RALY: variants seen among roughly 807,000 people sequenced by gnomAD.
RALY encodes the protein RNA-binding protein Raly.
A neutral mutation model predicts 30.7 loss-of-function variants in RALY; 15 were observed. That is an observed-to-expected ratio of 0.49 (90% CI 0.33 to 0.75). The LOEUF is 0.75. RALY is among the 30% of genes least tolerant of loss of function. The probability of loss-of-function intolerance (pLI) is 0.02; values close to 1 mark genes in which losing one functional copy is unlikely to be tolerated. For missense variants in RALY, 339 were observed against 414.3 expected (o/e 0.82, Z 1.58); for synonymous variants, 177 against 170.8 (o/e 1.04, Z -0.28).
intron 1 of RALY, among the ~76,000 whole-genome samples, chr20:34,018,195 G>A (rs1191222217): frequency 6.6e-6 from 1 of 152,222 alleles, no homozygotes; most frequent in Non-Finnish European, 1.5e-5. Context: ...CAGATTTAAG[G>A]TTGTAGTAGT....
At chr20:34,058,901 T>C (rs2033336386) in intron 2 of RALY, among the ~76,000 whole-genome samples, 2 of 152,136 alleles carry the variant, frequency 1.3e-5, no homozygotes, top group African/African-American at 4.8e-5. Context: ...CTTGAAGGAT[T>C]TTAAACAGGA....
At chr20:34,015,008 T>C (rs2300208) in intron 1 of RALY, 1 of 152,234 alleles carries the variant, frequency 6.6e-6, no homozygotes, top group East Asian at 1.9e-4. Flanking sequence ...GAGAGAGAAC[T>C]AACTGGAAGA....
At chr20:34,057,516 A>G (rs1462749398) in intron 2 of RALY, among the ~76,000 whole-genome samples, 1 of 152,010 alleles carries the variant, frequency 6.6e-6, no homozygotes, top group Non-Finnish European at 1.5e-5. Flanking sequence ...AAATACAAAA[A>G]ATTAGCTGGG....
intron 1 of RALY, among the ~76,000 whole-genome samples, chr20:34,000,072 C>A (rs1464589556): frequency 1.3e-5 from 2 of 152,082 alleles, no homozygotes; most frequent in South Asian, 2.1e-4. Context: ...TGGTCTTATT[C>A]AATTTTGGCT....
At chr20:34,057,217 G>A (rs1193487997) in intron 2 of RALY, among the ~76,000 whole-genome samples, 1 of 152,090 alleles carries the variant, frequency 6.6e-6, no homozygotes, top group African/African-American at 2.4e-5. Context: ...CAAACATAAT[G>A]TGCAAGAAAA....
At chr20:34,069,078 T>C (rs1347182978) in intron 2 of RALY, among the ~76,000 whole-genome samples, 1 of 152,032 alleles carries the variant, frequency 6.6e-6, no homozygotes, top group Admixed American at 6.5e-5. Flanking sequence ...TTCCCAAGTC[T>C]CTCCTCTACA....
chr20:34,002,046 C>T (rs1266203228), intron 1 of RALY, among the ~76,000 whole-genome samples: 3 of 152,146 alleles, frequency 2.0e-5, no homozygotes, highest in Non-Finnish European at 4.4e-5. Context: ...GGATTACAGG[C>T]GTGAGCAGCC....
chr20:34,041,664 A>G (rs574690130), intron 2 of RALY, among the ~76,000 whole-genome samples: 1 of 152,296 alleles, frequency 6.6e-6, no homozygotes, highest in East Asian at 1.9e-4. Flanking sequence ...GCACAGGGTG[A>G]TAGGAGATAT....
Position 34,077,339 on chromosome 20 carries a change from C to A in RALY, c.876+94C>A. 3 of 1,566,382 alleles carry A rather than the reference C, an allele frequency of 1.9e-6. No individual in the cohort carries two copies. The South Asian group carries it at 3.5e-5, about 18-fold the overall frequency. ...ATGGGCAGCCTGAGCTGGTTGCCCC[C>A]ACTGTGAACTTCCTGTTCTCTCCTT... On this transcript the variant is annotated intron_variant, in intron 8 of 9. Coordinates refer to ENST00000246194, the MANE Select transcript of RALY (RefSeq NM_016732.3).
intron 8 of RALY, among the ~76,000 whole-genome samples, chr20:34,077,904 C>T (rs913564115): frequency 9.9e-5 from 15 of 152,226 alleles, no homozygotes; most frequent in African/African-American, 3.6e-4. Context: ...CCACATTTTA[C>T]CCTGTGAGGA....
chr20:34,071,950 G>A, intron 2 of RALY, 116 bp from the exon 3 acceptor site: 1 of 1,161,212 alleles, frequency 8.6e-7, no homozygotes, highest in Non-Finnish European at 1.2e-6. Context: ...CAGGTAGGCT[G>A]GATGCTATAA....
At chr20:34,079,333 A>G (rs1011298779) in intron 9 of RALY, among the ~76,000 whole-genome samples, 1 of 152,180 alleles carries the variant, frequency 6.6e-6, no homozygotes, top group African/African-American at 2.4e-5. Flanking sequence ...TGTGGCTTCA[A>G]AGCCCACTCT....
chr20:34,075,094 A>G (rs1208098122), intron 5 of RALY, among the ~76,000 whole-genome samples: 1 of 151,918 alleles, frequency 6.6e-6, no homozygotes, highest in Non-Finnish European at 1.5e-5. Flanking sequence ...CTTGGAGATG[A>G]CTTTGGTTGG....
chr20:34,001,688 G>A (rs928853931), intron 1 of RALY, among the ~76,000 whole-genome samples: 1 of 152,166 alleles, frequency 6.6e-6, no homozygotes, highest in Non-Finnish European at 1.5e-5. Flanking sequence ...ATTTAAAAGG[G>A]TCATTTCCAT....
intron 3 of RALY, among the ~76,000 whole-genome samples, chr20:34,073,131 G>A (rs1192017234): frequency 6.6e-6 from 1 of 152,224 alleles, no homozygotes; most frequent in Non-Finnish European, 1.5e-5. Context: ...TCTATACTGA[G>A]TGTACTTGAG....
At chr20:34,016,070 C>T (rs544843049) in intron 1 of RALY, among the ~76,000 whole-genome samples, 1 of 152,300 alleles carries the variant, frequency 6.6e-6, no homozygotes, top group East Asian at 1.9e-4. Context: ...CACTCCCTTA[C>T]ATCTGCGCAC....
At chr20:34,026,901 T>G (rs922415376) in intron 1 of RALY, among the ~76,000 whole-genome samples, 1 of 152,222 alleles carries the variant, frequency 6.6e-6, no homozygotes, top group Non-Finnish European at 1.5e-5. Flanking sequence ...TTTGGACTTC[T>G]AGTCCTCAGA....
At chr20:34,074,851 G>A (rs2033830321) in intron 5 of RALY, among the ~76,000 whole-genome samples, 1 of 152,176 alleles carries the variant, frequency 6.6e-6, no homozygotes. Context: ...CTCTCCATCT[G>A]CAGCCATCAC....
intron 1 of RALY, among the ~76,000 whole-genome samples, chr20:34,009,233 T>G (rs373983103): frequency 8.0e-5 from 12 of 149,116 alleles, no homozygotes; most frequent in African/African-American, 2.2e-4. Context: ...GTGTGTGTGG[T>G]TTTTTTTTGT....
Sources: gnomAD v4.1 joint callset for allele counts (sites outside exome capture counted in the v4.1 genomes callset) on GRCh38, gnomAD v4.1.1 for gene constraint, MANE v1.5 for transcripts, NCBI Gene and HGNC (gene_info 2026-07-23, HGNC 2026-07-21) for gene names.